The following PALD1 variants were observed in gnomAD, a reference collection of about 807,000 sequenced individuals.
The protein encoded by PALD1 is paladin.
Under a neutral mutation model 96.0 loss-of-function variants are expected in PALD1, and 57 were observed. The ratio of observed to expected loss-of-function variants is 0.59; its 90% CI spans 0.48 to 0.74. The LOEUF (loss-of-function observed/expected upper bound fraction) is 0.74. Ranked by LOEUF, PALD1 falls within the 30% of genes least tolerant of loss-of-function variation. PALD1 has a pLI of 0.00. For synonymous variants in PALD1, 464 were observed against 473.6 expected, an observed-to-expected ratio of 0.98 and a Z score of 0.26; for missense variants, 1,063 against 1,143.7, an observed-to-expected ratio of 0.93 and a Z score of 1.02.
At chr10:70,504,348 G>A (rs1846348729) in intron 1 of PALD1, among the ~76,000 whole-genome samples, 1 of 152,124 alleles carries the variant, frequency 6.6e-6, no homozygotes. Context: ...CCAACATAGT[G>A]AAACCCTGTC....
chr10:70,501,480 T>G (rs537364236), intron 1 of PALD1, among the ~76,000 whole-genome samples: 1 of 152,282 alleles, frequency 6.6e-6, no homozygotes, highest in East Asian at 1.9e-4. Context: ...CGCTGGCGTC[T>G]ACGCAGCTCC....
chr10:70,534,860 C>T lies in PALD1; in HGVS notation c.1227+17C>T, dbSNP rs765397415. ...CCAGCCCAGGTGAGGCATGGAAGGA[C>T]GTGTGAGCACTCTGCTTCTCTGTGA... On this transcript the variant is annotated intron_variant, in intron 10 of 19. Coordinates refer to ENST00000263563, the MANE Select transcript of PALD1 (RefSeq NM_014431.3). 9.4e-6 allele frequency: 14 copies of T among 1,494,598 alleles called. No homozygotes were observed. The highest frequency in any genetic ancestry group is 1.2e-5 in the Non-Finnish European group (13 of 1,075,080). The allele number at this position is 1,494,598 out of a possible 1,614,324, so 92.6% of individuals were successfully genotyped here.
chr10:70,559,110 C>T (rs1247242641), intron 18 of PALD1, among the ~76,000 whole-genome samples: 1 of 152,152 alleles, frequency 6.6e-6, no homozygotes, highest in African/African-American at 2.4e-5. Flanking sequence ...CAGCCTTACC[C>T]CTTTCCCTAA....
At chr10:70,523,752 C>T (rs544540644) in intron 1 of PALD1, among the ~76,000 whole-genome samples, 3 of 151,532 alleles carry the variant, frequency 2.0e-5, no homozygotes, top group East Asian at 3.9e-4. Context: ...GGGTGACAGG[C>T]GTGAGTGGGG....
chr10:70,559,103 C>G (rs541774443), intron 18 of PALD1, among the ~76,000 whole-genome samples: 1 of 152,130 alleles, frequency 6.6e-6, no homozygotes. Context: ...GTCCCGCCAG[C>G]CTTACCCCTT....
intron 18 of PALD1, among the ~76,000 whole-genome samples, chr10:70,557,337 G>C (rs2132436798): frequency 6.6e-6 from 1 of 152,138 alleles, no homozygotes; most frequent in Admixed American, 6.5e-5. Flanking sequence ...GGCTCTATGG[G>C]CTACATGCGG....
At chr10:70,506,723 G>A (rs1265774202) in intron 1 of PALD1, among the ~76,000 whole-genome samples, 1 of 152,142 alleles carries the variant, frequency 6.6e-6, no homozygotes, top group Non-Finnish European at 1.5e-5. Flanking sequence ...GCCCCTCTGA[G>A]CAGCAGGGAG....
intron 1 of PALD1, among the ~76,000 whole-genome samples, chr10:70,521,149 G>A (rs1004846712): frequency 6.6e-5 from 10 of 152,182 alleles, no homozygotes; most frequent in African/African-American, 2.4e-4. Context: ...GTCCCTGACT[G>A]TGTATTGGAA....
the PALD1 span, among the ~76,000 whole-genome samples, chr10:70,468,995 A>G: frequency 4.6e-5 from 7 of 152,100 alleles, no homozygotes; most frequent in South Asian, 2.1e-4. Context: ...GGGGCACGGT[A>G]CCATCTCTGA....
the PALD1 span, among the ~76,000 whole-genome samples, chr10:70,464,939 TTGTATGTATGTA>T: frequency 3.4e-3 from 489 of 142,250 alleles, 3 homozygotes; most frequent in South Asian, 9.4e-3. Context: ...CTATGTACAC[TTGTATGTATGTA>T]TGTATGTATG....
At chr10:70,459,654 GC>G in the PALD1 span, among the ~76,000 whole-genome samples, 1 of 152,230 alleles carries the variant, frequency 6.6e-6, no homozygotes, top group South Asian at 2.1e-4. Context: ...CTTAGGCAGA[GC>G]CCCCGCCTTG....
At chr10:70,512,039 A>G (rs942902190) in intron 1 of PALD1, among the ~76,000 whole-genome samples, 1 of 152,228 alleles carries the variant, frequency 6.6e-6, no homozygotes, top group African/African-American at 2.4e-5. Flanking sequence ...AGAGAAAAAA[A>G]AAAGGCATTG....
intron 1 of PALD1, among the ~76,000 whole-genome samples, chr10:70,520,667 C>A (rs868217441): frequency 9.2e-5 from 12 of 130,380 alleles, no homozygotes; most frequent in African/African-American, 3.1e-4. Context: ...AGGTCAGTTT[C>A]TTTTCTTTTC....
chr10:70,491,258 T>C (rs1846093218), intron 1 of PALD1, among the ~76,000 whole-genome samples: 1 of 152,164 alleles, frequency 6.6e-6, no homozygotes, highest in African/African-American at 2.4e-5. Context: ...ACCCACTTCT[T>C]GTAGGAATCA....
chr10:70,471,899 C>T, the PALD1 span, among the ~76,000 whole-genome samples: 1 of 152,216 alleles, frequency 6.6e-6, no homozygotes, highest in African/African-American at 2.4e-5. Flanking sequence ...GGCACTGAGC[C>T]TGGCATGCAG....
At chr10:70,536,410 C>A (rs1422691803) in intron 10 of PALD1, among the ~76,000 whole-genome samples, 1 of 152,202 alleles carries the variant, frequency 6.6e-6, no homozygotes, top group African/African-American at 2.4e-5. Context: ...AAACAGTCCC[C>A]CTCTTCTTGG....
chr10:70,498,586 G>GT (rs35830368), intron 1 of PALD1, among the ~76,000 whole-genome samples: 742 of 143,206 alleles, frequency 5.2e-3, no homozygotes, highest in African/African-American at 8.3e-3. Context: ...GTCCTGTTTT[G>GT]TTTTTTTTTT....
chr10:70,474,015 T>C (rs1173715294), upstream of PALD1, among the ~76,000 whole-genome samples: 1 of 152,158 alleles, frequency 6.6e-6, no homozygotes, highest in Non-Finnish European at 1.5e-5. Context: ...CCTCCCTGCT[T>C]TTCTCTCCTG....
intron 2 of PALD1, among the ~76,000 whole-genome samples, chr10:70,527,296 A>G (rs1398150252): frequency 6.6e-6 from 1 of 152,192 alleles, no homozygotes; most frequent in Non-Finnish European, 1.5e-5. Flanking sequence ...GACCAGCCGT[A>G]AAAATCCTGT....
Sources: allele counts gnomAD v4.1 joint callset (sites outside exome capture counted in the v4.1 genomes callset), GRCh38; gene constraint gnomAD v4.1.1; transcripts MANE v1.5; gene names NCBI Gene and HGNC (gene_info 2026-07-23, HGNC 2026-07-21).